The following EBF1 variants were observed in gnomAD, a reference collection of about 807,000 sequenced individuals.
EBF1 encodes EBF transcription factor 1.
Under a neutral mutation model 68.4 loss-of-function variants are expected in EBF1, and 10 were observed. The ratio of observed to expected loss-of-function variants is 0.15; its 90% CI spans 0.09 to 0.25. EBF1 has a LOEUF of 0.25. Among genes scored for constraint, EBF1 ranks in the 10% least tolerant of loss-of-function variants. EBF1 has a pLI of 1.00. For missense variants in EBF1, 509 were observed against 794.4 expected (o/e 0.64, Z 4.32); for synonymous variants, 298 against 299.8 (o/e 0.99, Z 0.06).
chr5:158,798,561 T>C (rs184855230), intron 8 of EBF1, among the ~76,000 whole-genome samples: 3 of 152,314 alleles, frequency 2.0e-5, no homozygotes, highest in Admixed American at 6.5e-5. Flanking sequence ...GGCCAAGACC[T>C]GCTGGTTTTG....
intron 6 of EBF1, among the ~76,000 whole-genome samples, chr5:158,894,172 T>C (rs962190358): frequency 6.6e-6 from 1 of 152,176 alleles, no homozygotes; most frequent in African/African-American, 2.4e-5. Flanking sequence ...CCAGCAAACA[T>C]GGCAGAGTCC....
chr5:158,930,919 AAACT>A (rs781484135), intron 6 of EBF1, among the ~76,000 whole-genome samples: 22 of 152,086 alleles, frequency 1.4e-4, no homozygotes, highest in Non-Finnish European at 2.4e-4. Context: ...TATCTTGCAC[AAACT>A]AAAAAGCTCT....
intron 10 of EBF1, among the ~76,000 whole-genome samples, chr5:158,743,172 G>A (rs980819519): frequency 2.6e-5 from 4 of 152,112 alleles, no homozygotes; most frequent in African/African-American, 9.7e-5. Flanking sequence ...CTGCACAAAA[G>A]GAGGAAAAAA....
intron 6 of EBF1, among the ~76,000 whole-genome samples, chr5:158,868,541 G>A (rs1371306533): frequency 6.6e-6 from 1 of 152,192 alleles, no homozygotes; most frequent in Admixed American, 6.5e-5. Flanking sequence ...TAATACATTA[G>A]AGAGAAGTTC....
At chr5:158,941,822 C>T (rs888976272) in intron 6 of EBF1, among the ~76,000 whole-genome samples, 1 of 152,214 alleles carries the variant, frequency 6.6e-6, no homozygotes, top group Admixed American at 6.5e-5. Context: ...ACAACCTCTA[C>T]TACTGTATCC....
At chr5:159,054,264 A>T (rs1195462568) in intron 6 of EBF1, among the ~76,000 whole-genome samples, 1 of 152,242 alleles carries the variant, frequency 6.6e-6, no homozygotes, top group African/African-American at 2.4e-5. Context: ...AAAGCAAACA[A>T]AAAAACAGGA....
At chr5:158,718,495 A>G (rs982531583) in intron 11 of EBF1, among the ~76,000 whole-genome samples, 1 of 152,036 alleles carries the variant, frequency 6.6e-6, no homozygotes, top group Admixed American at 6.6e-5. Context: ...ACTGAAGGGG[A>G]TCGTGATGGT....
In EBF1 at chr5:158,698,370, G is replaced by A. The variant is rs1581116287; in HGVS notation, c.*741C>T. ...TTTAAATATGCAGTTTTAACAATCT[G>A]TCTAGAGGCACTGGATTTTCGAGTA... On this transcript the variant is annotated 3_prime_UTR_variant, in exon 16 of 16. Transcript: ENST00000313708. 4.4e-6 allele frequency: 1 copy of A among 224,734 alleles called. No homozygotes were observed. The allele number at this position is 224,734 out of a possible 1,614,324, so 13.9% of individuals were successfully genotyped here.
At chr5:159,040,696 C>A (rs1390456478) in intron 6 of EBF1, among the ~76,000 whole-genome samples, 1 of 152,210 alleles carries the variant, frequency 6.6e-6, no homozygotes, top group Non-Finnish European at 1.5e-5. Context: ...AACTAACAAG[C>A]AGGCAATATA....
intron 10 of EBF1, among the ~76,000 whole-genome samples, chr5:158,755,779 G>C (rs1401258872): frequency 6.6e-6 from 1 of 152,102 alleles, no homozygotes; most frequent in African/African-American, 2.4e-5. Flanking sequence ...GCCATGATAG[G>C]ATTTGGGGAG....
intron 9 of EBF1, among the ~76,000 whole-genome samples, chr5:158,795,858 G>C (rs17635991): frequency 0.076 from 11,561 of 152,186 alleles, 650 homozygotes; most frequent in South Asian, 0.13. Context: ...GGTTCTCCCA[G>C]CAAATCACTC....
chr5:159,061,108 G>T (rs530837076), intron 6 of EBF1, among the ~76,000 whole-genome samples: 2 of 152,102 alleles, frequency 1.3e-5, no homozygotes, highest in Non-Finnish European at 2.9e-5. Flanking sequence ...AGGGTGTGCT[G>T]GGTATTTCTT....
At chr5:158,761,562 C>T (rs1448002339) in intron 10 of EBF1, among the ~76,000 whole-genome samples, 1 of 152,158 alleles carries the variant, frequency 6.6e-6, no homozygotes, top group Admixed American at 6.6e-5. Flanking sequence ...CTGTATTTTT[C>T]ACTATATCCA....
At chr5:158,803,705 C>T (rs1221308938) in intron 8 of EBF1, among the ~76,000 whole-genome samples, 1 of 151,990 alleles carries the variant, frequency 6.6e-6, no homozygotes, top group Non-Finnish European at 1.5e-5. Context: ...ACAGTTTCCT[C>T]ATGCAAGGTG....
intron 6 of EBF1, among the ~76,000 whole-genome samples, chr5:158,887,004 A>G (rs1444729448): frequency 6.6e-6 from 1 of 152,014 alleles, no homozygotes; most frequent in Non-Finnish European, 1.5e-5. Context: ...CTCCATCTCA[A>G]AAAAAAAGAG....
intron 10 of EBF1, among the ~76,000 whole-genome samples, chr5:158,731,667 T>G (rs138718166): frequency 6.6e-6 from 1 of 152,146 alleles, no homozygotes; most frequent in Non-Finnish European, 1.5e-5. Flanking sequence ...GAAGTGAATC[T>G]TTGAGGTATG....
intron 6 of EBF1, among the ~76,000 whole-genome samples, chr5:159,021,275 G>A (rs1766624081): frequency 6.6e-6 from 1 of 152,074 alleles, no homozygotes; most frequent in Admixed American, 6.5e-5. Context: ...AGGAAGTTCT[G>A]GGAATCTCCC....
At position 158,935,999 on chromosome 5, in the gene EBF1, T is replaced by C. The variant is rs139233047; in HGVS notation, c.555-95889A>G. ...AAGATAGACTGGTTGAATTATGTGA[T>C]GCTACTGGATTAGAAAATATTTTTT... On this transcript the variant is annotated intron_variant, in intron 6 of 15. Coordinates refer to ENST00000313708, the MANE Select transcript of EBF1 (RefSeq NM_024007.5). Among the ~76,000 whole-genome samples the C allele has an allele frequency of 4.1e-4, 62 of 152,372 alleles. No homozygotes were observed. In the East Asian group the frequency reaches 0.012, roughly 29 times the overall value.
At chr5:158,767,815 G>C (rs558228093) in intron 10 of EBF1, among the ~76,000 whole-genome samples, 42 of 152,252 alleles carry the variant, frequency 2.8e-4, no homozygotes, top group African/African-American at 1.0e-3. Flanking sequence ...GAAAGCTCTA[G>C]CAAGAAATGC....
Sources: allele counts gnomAD v4.1 joint callset (sites outside exome capture counted in the v4.1 genomes callset), GRCh38; gene constraint gnomAD v4.1.1; transcripts MANE v1.5; gene names NCBI Gene and HGNC (gene_info 2026-07-23, HGNC 2026-07-21).